The following C5AR1 variants were observed in gnomAD, a reference collection of about 807,000 sequenced individuals.
The protein encoded by C5AR1 is complement C5a receptor 1, also known as C5a anaphylatoxin chemotactic receptor 1.
A neutral mutation model predicts 2.4 loss-of-function variants in C5AR1; 4 were observed. The observed-to-expected ratio is 1.65, with a 90% confidence interval of 0.81 to 3.77. The LOEUF (loss-of-function observed/expected upper bound fraction) is 3.77, where lower values mean the gene tolerates loss of function less well. Ranked by LOEUF, C5AR1 falls within the 30% of genes most tolerant of loss-of-function variation. The pLI, the probability that C5AR1 is intolerant of heterozygous loss-of-function variation, is 0.01. For synonymous variants in C5AR1, 209 were observed against 210.4 expected, an observed-to-expected ratio of 0.99 and a Z score of 0.06; for missense variants, 418 against 462.5, an observed-to-expected ratio of 0.90 and a Z score of 0.88.
intron 1 of C5AR1, among the ~76,000 whole-genome samples, chr19:47,311,378 C>G (rs1324151310): frequency 2.6e-5 from 4 of 151,816 alleles, no homozygotes; most frequent in Non-Finnish European, 5.9e-5. Flanking sequence ...GGCATATAAG[C>G]GGGCGCCTGT....
At chr19:47,318,443 G>A (rs1005016469) in intron 1 of C5AR1, among the ~76,000 whole-genome samples, 4 of 151,246 alleles carry the variant, frequency 2.6e-5, no homozygotes, top group Non-Finnish European at 3.0e-5. Flanking sequence ...ACAGGTGCCC[G>A]CCACCACGCC....
chr19:47,308,074 G>A (rs187140949), upstream of C5AR1, among the ~76,000 whole-genome samples: 406 of 151,852 alleles, frequency 2.7e-3, no homozygotes, highest in Non-Finnish European at 5.1e-3. Flanking sequence ...TTAGCCGGGT[G>A]CAGTGGTAGG....
In C5AR1 at chr19:47,321,599, GCT is replaced by G. The variant is rs1330049706; in HGVS notation, c.*772_*773del. 6.6e-6 allele frequency: 1 copy of G among 152,074 alleles called. No homozygotes were observed. Among genetic ancestry groups the G allele is most frequent in the Non-Finnish European group, 1.5e-5 (1 of 68,008 alleles). The allele number at this position is 152,074 out of a possible 1,614,324, so 9.4% of individuals were successfully genotyped here. A position where few individuals can be genotyped will look rare whatever the true frequency, so the allele number is the denominator to read the frequency against. On this transcript the variant is annotated 3_prime_UTR_variant, in exon 2 of 2. Transcript: ENST00000355085. ...ACTCTAGCCTGGGTGACCGAGGGAGGCTCTGTCTCAAAAGCAAAGCAAAAACA... is the reference window on the plus strand; with the variant it reads ...ACTCTAGCCTGGGTGACCGAGGGAGGCTGTCTCAAAAGCAAAGCAAAAACA...
intron 1 of C5AR1, among the ~76,000 whole-genome samples, chr19:47,312,006 G>A (rs1390663275): frequency 6.6e-6 from 1 of 152,188 alleles, no homozygotes; most frequent in African/African-American, 2.4e-5. Flanking sequence ...GTGTGATGCG[G>A]GGAACCCCAA....
intron 1 of C5AR1, among the ~76,000 whole-genome samples, chr19:47,314,628 C>G (rs1380114039): frequency 6.6e-6 from 1 of 152,014 alleles, no homozygotes; most frequent in Admixed American, 6.6e-5. Context: ...GAACTGCTGA[C>G]CTCAGGTGAT....
intron 1 of C5AR1, among the ~76,000 whole-genome samples, chr19:47,313,998 C>T (rs1249874831): frequency 1.3e-5 from 2 of 152,110 alleles, no homozygotes; most frequent in South Asian, 2.1e-4. Flanking sequence ...GTAGGTACTG[C>T]GCCTTCTCCT....
chr19:47,312,582 C>T (rs1425697434), intron 1 of C5AR1, among the ~76,000 whole-genome samples: 1 of 152,114 alleles, frequency 6.6e-6, no homozygotes, highest in Non-Finnish European at 1.5e-5. Context: ...CTACATCTGG[C>T]TTTTTTAAAT....
chr19:47,320,394 G>T lies in C5AR1; in HGVS notation c.617G>T (p.Arg206Leu). Residue 206 changes from arginine (R) to leucine (L), a missense_variant, in exon 2 of 2, where the codon CGG (arginine) becomes CTG (leucine). Physicochemically the swap from Arg to Leu is moderately radical, Grantham distance 102. Transcript: ENST00000355085. The surrounding 1 kb of genome is among the most constrained non-coding windows in gnomAD (Gnocchi z 4.9). ...KRRERAVAIV[R>L]LVLGFLWPLL... The stretch of plus-strand genomic sequence containing the variant: ...CGGGAGCGAGCCGTGGCCATCGTCC[G>T]GCTGGTCCTGGGCTTCCTGTGGCCT... 1 of 1,610,226 alleles carries T rather than the reference G, an allele frequency of 6.2e-7. No homozygotes were observed.
rs17218704 is a variant in C5AR1 at position 47,321,115 on chromosome 19, C to T, written c.*285C>T. On this transcript the variant is annotated 3_prime_UTR_variant, in exon 2 of 2. Coordinates refer to ENST00000355085, the MANE Select transcript of C5AR1 (RefSeq NM_001736.4). The stretch of plus-strand genomic sequence containing the variant: ...GGCTTTTGAAAAACAAACAGAAACC[C>T]GTGTATCTGGGATATTTCCATATGG... 7.4e-4 allele frequency: 174 copies of T among 235,664 alleles called. 1 individual carries two copies. In the East Asian group the frequency reaches 8.4e-3, roughly 11 times the overall value. 14.6% of individuals were successfully genotyped at this position (235,664 alleles called of 1,614,324 possible).
At chr19:47,313,005 C>T (rs1024040943) in intron 1 of C5AR1, among the ~76,000 whole-genome samples, 2 of 152,122 alleles carry the variant, frequency 1.3e-5, no homozygotes, top group Non-Finnish European at 2.9e-5. Context: ...GACAGAGTCT[C>T]GCTCTGTCAC....
intron 1 of C5AR1, 112 bp from the exon 2 acceptor site, chr19:47,319,669 C>T (rs949796820): frequency 2.2e-5 from 15 of 696,572 alleles, no homozygotes; most frequent in South Asian, 1.2e-4. Context: ...ATCCCCATTT[C>T]CTAGTGAGAA....
At chr19:47,311,446 T>C (rs1239860074) in intron 1 of C5AR1, among the ~76,000 whole-genome samples, 2 of 150,672 alleles carry the variant, frequency 1.3e-5, no homozygotes, top group East Asian at 2.0e-4. Flanking sequence ...GAGGCAGAGG[T>C]TGCAGTGAGC....
intron 1 of C5AR1, among the ~76,000 whole-genome samples, chr19:47,313,302 C>CT (rs990890784): frequency 6.6e-6 from 1 of 152,044 alleles, no homozygotes; most frequent in African/African-American, 2.4e-5. Context: ...AACTCAGCAT[C>CT]TGCAGACCTT....
intron 1 of C5AR1, among the ~76,000 whole-genome samples, chr19:47,310,790 G>A (rs1345843758): frequency 6.6e-6 from 1 of 152,224 alleles, no homozygotes; most frequent in African/African-American, 2.4e-5. Flanking sequence ...AGGCCATTAT[G>A]CCTGGTCGTT....
Position 47,321,055 on chromosome 19 carries a change from C to T in C5AR1, c.*225C>T. 8.4e-6 allele frequency: 2 copies of T among 239,074 alleles called. No individual in the cohort carries two copies. The highest frequency in any genetic ancestry group is 1.4e-5 in the Non-Finnish European group (2 of 145,884). The allele number at this position is 239,074 out of a possible 1,614,324, so 14.8% of individuals were successfully genotyped here. Reference sequence around the variant, plus strand: ...CCTTCTAGGGAGCACCCTCCCACCCCCCACCCCCCCCACACACACCATCTT... The same window carrying T: ...CCTTCTAGGGAGCACCCTCCCACCCTCCACCCCCCCCACACACACCATCTT... On this transcript the variant is annotated 3_prime_UTR_variant, in exon 2 of 2. Transcript: ENST00000355085.
At chr19:47,308,847 T>G (rs1241447475), upstream of C5AR1, among the ~76,000 whole-genome samples, 1 of 151,722 alleles carries the variant, frequency 6.6e-6, no homozygotes, top group African/African-American at 2.4e-5. Context: ...CAATCTTGGC[T>G]CACTGCAACC....
chr19:47,312,841 A>G (rs1235500746), intron 1 of C5AR1, among the ~76,000 whole-genome samples: 2 of 151,288 alleles, frequency 1.3e-5, no homozygotes, highest in Non-Finnish European at 3.0e-5. Context: ...GCTAGATTTA[A>G]AATTTTTTGT....
intron 1 of C5AR1, among the ~76,000 whole-genome samples, chr19:47,313,360 G>A (rs1470675699): frequency 6.6e-6 from 1 of 152,040 alleles, no homozygotes; most frequent in Non-Finnish European, 1.5e-5. Flanking sequence ...TTTCGTTTCT[G>A]CTGTGCACCA....
chr19:47,316,742 C>T (rs1043878482), intron 1 of C5AR1, among the ~76,000 whole-genome samples: 1 of 152,118 alleles, frequency 6.6e-6, no homozygotes, highest in African/African-American at 2.4e-5. Context: ...GGCTAAACCC[C>T]ACCTTTTTCA....
Sources: allele counts gnomAD v4.1 joint callset (sites outside exome capture counted in the v4.1 genomes callset), GRCh38; gene constraint gnomAD v4.1.1; non-coding constraint Gnocchi (gnomAD v3.1); transcripts MANE v1.5; gene names NCBI Gene and HGNC (gene_info 2026-07-23, HGNC 2026-07-21).